The following SNX25 variants were observed in gnomAD, a reference collection of about 807,000 sequenced individuals.
The protein encoded by SNX25 is sorting nexin 25, also known as sorting nexin-25.
SNX25 carries 62 observed loss-of-function variants against 113.7 expected under a neutral mutation model. That is an observed-to-expected ratio of 0.55 (90% CI 0.44 to 0.67). The LOEUF (loss-of-function observed/expected upper bound fraction) is 0.67. Among genes scored for constraint, SNX25 ranks in the 30% least tolerant of loss-of-function variants. SNX25 has a pLI of 0.00. For missense variants in SNX25, 1,014 were observed against 1,161.0 expected (o/e 0.87, Z 1.84); for synonymous variants, 421 against 436.2 (o/e 0.97, Z 0.43).
chr4:185,220,629 C>T (rs1473196199), intron 1 of SNX25, among the ~76,000 whole-genome samples: 1 of 151,666 alleles, frequency 6.6e-6, no homozygotes, highest in Non-Finnish European at 1.5e-5. Context: ...TAAGGGTGCC[C>T]ACCACCACGC....
upstream of SNX25, among the ~76,000 whole-genome samples, chr4:185,209,127 C>G (rs900387591): frequency 9.9e-5 from 15 of 152,224 alleles, no homozygotes; most frequent in African/African-American, 3.6e-4. This position sits in a 1 kb window ranked among gnomAD's most constrained non-coding sequence, Gnocchi z 5.2. Flanking sequence ...TTCACTTACT[C>G]CACCGCACGT....
intron 2 of SNX25, among the ~76,000 whole-genome samples, chr4:185,257,176 GA>G (rs11332633): frequency 0.42 from 44,174 of 106,286 alleles, 7,644 homozygotes; most frequent in East Asian, 0.6. Context: ...TTTGAAAAGT[GA>G]AAAAAAAAAA....
intron 6 of SNX25, among the ~76,000 whole-genome samples, chr4:185,305,110 C>T (rs1008636101): frequency 6.6e-6 from 1 of 152,090 alleles, no homozygotes; most frequent in Non-Finnish European, 1.5e-5. Flanking sequence ...TTTTGCTCCC[C>T]AGGGGACATG....
chr4:185,245,527 G>A (rs1319784120), intron 1 of SNX25, among the ~76,000 whole-genome samples: 1 of 151,960 alleles, frequency 6.6e-6, no homozygotes, highest in Non-Finnish European at 1.5e-5. Context: ...TAGTAGAGAC[G>A]GGGGTCTCAC....
chr4:185,335,359 A>ACACAC (rs1579832686), intron 10 of SNX25, among the ~76,000 whole-genome samples: 1 of 144,782 alleles, frequency 6.9e-6, no homozygotes, highest in African/African-American at 2.7e-5. Context: ...CACACACACA[A>ACACAC]CAAAAACAAA....
At chr4:185,333,380 G>A (rs537414472) in intron 10 of SNX25, among the ~76,000 whole-genome samples, 5 of 152,238 alleles carry the variant, frequency 3.3e-5, no homozygotes, top group Non-Finnish European at 7.4e-5. Context: ...GATTTCAAGC[G>A]GTCAACATGA....
intron 11 of SNX25, among the ~76,000 whole-genome samples, chr4:185,340,894 C>T (rs1289828940): frequency 2.6e-5 from 4 of 152,042 alleles, no homozygotes; most frequent in Non-Finnish European, 2.9e-5. Flanking sequence ...CAGAAAGGTG[C>T]GGAGGATGCA....
intron 5 of SNX25, among the ~76,000 whole-genome samples, chr4:185,270,599 A>G (rs1429896192): frequency 1.3e-5 from 2 of 149,584 alleles, no homozygotes; most frequent in African/African-American, 2.5e-5. Context: ...GTATTCAGAG[A>G]CTCTGATTGT....
At chr4:185,250,926 T>G (rs960381588) in intron 2 of SNX25, among the ~76,000 whole-genome samples, 5 of 152,178 alleles carry the variant, frequency 3.3e-5, no homozygotes, top group Non-Finnish European at 5.9e-5. Context: ...ATTTTAATTG[T>G]GTTAAAATAG....
intron 10 of SNX25, among the ~76,000 whole-genome samples, chr4:185,338,608 A>G (rs1016507386): frequency 1.3e-5 from 2 of 152,104 alleles, no homozygotes; most frequent in Admixed American, 6.5e-5. Flanking sequence ...TGTAAGTTTT[A>G]TAATTTTTAG....
At chr4:185,255,009 G>A (rs905210122) in intron 2 of SNX25, among the ~76,000 whole-genome samples, 1 of 151,892 alleles carries the variant, frequency 6.6e-6, no homozygotes, top group South Asian at 2.1e-4. Flanking sequence ...TTATGGTTAC[G>A]AATTTCTCTG....
chr4:185,291,122 A>C (rs1026360544), intron 6 of SNX25, among the ~76,000 whole-genome samples: 2 of 152,158 alleles, frequency 1.3e-5, no homozygotes, highest in African/African-American at 2.4e-5. Flanking sequence ...TACGTTCTAA[A>C]TGCCTTTCTG....
chr4:185,287,534 C>T (rs757678293), intron 5 of SNX25, among the ~76,000 whole-genome samples: 5 of 152,162 alleles, frequency 3.3e-5, no homozygotes, highest in South Asian at 2.1e-4. Flanking sequence ...TGGCACCGCC[C>T]GGTGTGGTCC....
chr4:185,316,749 T>G (rs1453039589), intron 7 of SNX25, among the ~76,000 whole-genome samples: 2 of 152,302 alleles, frequency 1.3e-5, no homozygotes, highest in African/African-American at 2.4e-5. Flanking sequence ...GTGAAAGGGT[T>G]TCCTGGCTCT....
chr4:185,280,584 G>A (rs1478859481), intron 5 of SNX25, among the ~76,000 whole-genome samples: 1 of 152,190 alleles, frequency 6.6e-6, no homozygotes, highest in Non-Finnish European at 1.5e-5. Flanking sequence ...GACTGAGAAA[G>A]TAAAATCTGC....
rs929139471 is a variant in SNX25 at position 185,320,918 on chromosome 4, A to G, written c.1476+54A>G. The G allele has an allele frequency of 2.7e-6, 4 of 1,459,874 alleles. No homozygotes were observed. The South Asian group carries it at 6.1e-5, about 22-fold the overall frequency. The allele number at this position is 1,459,874 out of a possible 1,614,324, so 90.4% of individuals were successfully genotyped here. ...AATCACTAGCTGATGTAAACTTGGC[A>G]TGTGAGGCAGCATGTCTGTTTTTCT... is the stretch of plus-strand genomic sequence containing the variant. On this transcript the variant is annotated intron_variant, in intron 8 of 18. Transcript: ENST00000652585.
intron 3 of SNX25, among the ~76,000 whole-genome samples, chr4:185,262,585 C>T (rs1339997525): frequency 2.0e-5 from 3 of 152,184 alleles, no homozygotes; most frequent in Non-Finnish European, 2.9e-5. Context: ...AGAGTTACTT[C>T]TACCTTTTAT....
At chr4:185,341,755 C>CT (rs1335555847) in intron 11 of SNX25, among the ~76,000 whole-genome samples, 2 of 152,136 alleles carry the variant, frequency 1.3e-5, no homozygotes, top group Non-Finnish European at 2.9e-5. Context: ...AAACTCTTTG[C>CT]TTTTAGGTTA....
At chr4:185,325,719 T>C (rs2095152743) in intron 9 of SNX25, among the ~76,000 whole-genome samples, 1 of 152,172 alleles carries the variant, frequency 6.6e-6, no homozygotes. Flanking sequence ...AGCCCAGCCA[T>C]GGATTTGTAC....
Sources: gnomAD v4.1 joint callset for allele counts (sites outside exome capture counted in the v4.1 genomes callset) on GRCh38, gnomAD v4.1.1 for gene constraint, Gnocchi (gnomAD v3.1) non-coding constraint, MANE v1.5 for transcripts, NCBI Gene and HGNC (gene_info 2026-07-23, HGNC 2026-07-21) for gene names.